Variants in DGKI observed in about 807,000 individuals in gnomAD.
DGKI encodes diacylglycerol kinase iota.
DGKI carries 55 observed loss-of-function variants against 147.5 expected under a neutral mutation model. The observed-to-expected ratio is 0.37, with a 90% CI of 0.30 to 0.47. DGKI has a LOEUF of 0.47. Among genes scored for constraint, DGKI ranks in the 20% least tolerant of loss-of-function variants. DGKI has a pLI of 1.00. For missense variants in DGKI, 1,007 were observed against 1,323.8 expected (o/e 0.76, Z 3.71); for synonymous variants, 469 against 477.1 (o/e 0.98, Z 0.22).
At chr7:137,842,187 T>G (rs924775273) in intron 1 of DGKI, among the ~76,000 whole-genome samples, 1 of 152,218 alleles carries the variant, frequency 6.6e-6, no homozygotes, top group Non-Finnish European at 1.5e-5. Context: ...GGATACATAC[T>G]GATATTCAGG....
chr7:137,599,354 A>T (rs928394919), intron 11 of DGKI, among the ~76,000 whole-genome samples: 2 of 152,080 alleles, frequency 1.3e-5, no homozygotes, highest in African/African-American at 4.8e-5. Context: ...GTCCTCAGGT[A>T]TAATCAATTG....
intron 1 of DGKI, among the ~76,000 whole-genome samples, chr7:137,817,379 A>G (rs1015682206): frequency 3.3e-5 from 5 of 152,226 alleles, no homozygotes; most frequent in Non-Finnish European, 5.9e-5. Flanking sequence ...TGCCCTCAGG[A>G]TTTTACAATT....
chr7:137,774,426 G>A (rs1034687744), intron 1 of DGKI, among the ~76,000 whole-genome samples: 1 of 152,072 alleles, frequency 6.6e-6, no homozygotes, highest in African/African-American at 2.4e-5. Flanking sequence ...CAACTCAGAA[G>A]GTTCTTTTTC....
intron 1 of DGKI, among the ~76,000 whole-genome samples, chr7:137,748,425 C>A (rs1031670379): frequency 6.6e-6 from 1 of 150,690 alleles, no homozygotes; most frequent in Non-Finnish European, 1.5e-5. Context: ...TAAAAGTAAT[C>A]ATTATTACAT....
intron 20 of DGKI, among the ~76,000 whole-genome samples, chr7:137,538,861 T>C (rs1817599247): frequency 6.6e-6 from 1 of 152,074 alleles, no homozygotes; most frequent in African/African-American, 2.4e-5. Flanking sequence ...TAAGATACTA[T>C]CAAATTGGTA....
chr7:137,446,326 T>C (rs1398605179), intron 27 of DGKI, among the ~76,000 whole-genome samples: 1 of 152,246 alleles, frequency 6.6e-6, no homozygotes, highest in Non-Finnish European at 1.5e-5. Context: ...ATGTTGAGTT[T>C]CCATGTTGAA....
chr7:137,529,080 A>T (rs1334675151), intron 20 of DGKI, among the ~76,000 whole-genome samples: 1 of 152,220 alleles, frequency 6.6e-6, no homozygotes, highest in Non-Finnish European at 1.5e-5. Context: ...TTTTTATGAC[A>T]TTGGCTGAAA....
intron 23 of DGKI, 51 bp from the exon 24 acceptor site, chr7:137,469,670 G>T: frequency 6.5e-7 from 1 of 1,543,214 alleles, no homozygotes; most frequent in Non-Finnish European, 8.9e-7. Flanking sequence ...AACCTGATGG[G>T]CTTCCCTCAC....
intron 3 of DGKI, among the ~76,000 whole-genome samples, chr7:137,676,106 A>T (rs1303747882): frequency 2.6e-5 from 4 of 151,990 alleles, no homozygotes; most frequent in Admixed American, 2.6e-4. Context: ...AGGTGGGGAG[A>T]GAGACTGAGA....
At chr7:137,448,935 G>T (rs980943664) in intron 27 of DGKI, among the ~76,000 whole-genome samples, 1 of 151,954 alleles carries the variant, frequency 6.6e-6, no homozygotes, top group Non-Finnish European at 1.5e-5. Context: ...ATTAAGAGAA[G>T]ATAAATAATA....
intron 1 of DGKI, among the ~76,000 whole-genome samples, chr7:137,761,611 T>C (rs1317691664): frequency 6.6e-6 from 1 of 152,222 alleles, no homozygotes; most frequent in Non-Finnish European, 1.5e-5. Flanking sequence ...TCCCTGTATT[T>C]TCCCCCTTGG....
intron 1 of DGKI, among the ~76,000 whole-genome samples, chr7:137,832,166 C>T (rs766845904): frequency 7.2e-5 from 11 of 152,206 alleles, no homozygotes; most frequent in Non-Finnish European, 1.2e-4. Flanking sequence ...TGCAAGCTGT[C>T]GGTGGAACTA....
intron 19 of DGKI, among the ~76,000 whole-genome samples, chr7:137,566,128 AAT>A (rs1818577269): frequency 6.6e-6 from 1 of 152,126 alleles, no homozygotes; most frequent in African/African-American, 2.4e-5. Context: ...TTCTAAGAAA[AAT>A]AGTTTGTTTC....
intron 1 of DGKI, among the ~76,000 whole-genome samples, chr7:137,736,367 C>G (rs947274552): frequency 6.6e-6 from 1 of 152,040 alleles, no homozygotes; most frequent in African/African-American, 2.4e-5. Flanking sequence ...CCAAATAAAC[C>G]TGAATTTCAG....
chr7:137,552,263 T>C (rs1338964322), intron 20 of DGKI, 106 bp downstream of exon 20: 4 of 1,234,476 alleles, frequency 3.2e-6, no homozygotes, highest in Admixed American at 4.4e-5. Flanking sequence ...TCTCCTGGAC[T>C]TTTTTCCTCT....
At chr7:137,754,638 T>C (rs1471118888) in intron 1 of DGKI, among the ~76,000 whole-genome samples, 6 of 152,206 alleles carry the variant, frequency 3.9e-5, no homozygotes, top group Admixed American at 3.3e-4. Context: ...GGATAATTGA[T>C]AGCATGTCAA....
chr7:137,546,009 G>A (rs745908057), intron 20 of DGKI: 38 of 698,074 alleles, frequency 5.4e-5, no homozygotes, highest in South Asian at 4.7e-4. Flanking sequence ...CAGCGACAGC[G>A]TGGACAGACA....
chr7:137,540,779 A>AAAAAAAAAAAAAAAT (rs1817669305), intron 20 of DGKI, among the ~76,000 whole-genome samples: 1 of 150,706 alleles, frequency 6.6e-6, no homozygotes, highest in Non-Finnish European at 1.5e-5. Context: ...AAAAAAAAAA[A>AAAAAAAAAAAAAAAT]AAAAAAAAAC....
At position 137,631,292 on chromosome 7, in the gene DGKI, C is replaced by T. The variant is rs1209094350; in HGVS notation, c.805-7738G>A. 3.3e-5 allele frequency among the ~76,000 whole-genome samples: 5 copies of T among 152,286 alleles called. No homozygotes were observed. The East Asian group carries it at 9.6e-4, about 29-fold the overall frequency. ...TTCCCAGAATTACTCAGATTGTGCC[C>T]CTCCTTGCTTCATGAATTTATGTCA... On this transcript the variant is annotated intron_variant, in intron 6 of 32. Coordinates refer to ENST00000614521, the MANE Select transcript of DGKI (RefSeq NM_001321708.2).
Sources: allele counts gnomAD v4.1 joint callset (sites outside exome capture counted in the v4.1 genomes callset), GRCh38; gene constraint gnomAD v4.1.1; transcripts MANE v1.5; gene names NCBI Gene and HGNC (gene_info 2026-07-23, HGNC 2026-07-21).